Variants in DCDC1 observed in about 807,000 individuals in gnomAD.
The protein encoded by DCDC1 is doublecortin domain-containing protein 1.
Under a neutral mutation model 178.3 loss-of-function variants are expected in DCDC1, and 200 were observed. That is an observed-to-expected ratio of 1.12 (90% CI 1.00 to 1.26). The LOEUF is 1.26. Among genes scored for constraint, DCDC1 ranks in the 50% most tolerant of loss-of-function variants. The probability of loss-of-function intolerance (pLI) is 0.00; values close to 1 mark genes in which losing one functional copy is unlikely to be tolerated. For missense variants in DCDC1, 1,983 were observed against 1,749.2 expected (o/e 1.13, Z -2.38); for synonymous variants, 690 against 604.8 (o/e 1.14, Z -2.07).
At chr11:31,294,828 AAGAAAG>A (rs1238698346) in intron 6 of DCDC1, among the ~76,000 whole-genome samples, 1 of 147,178 alleles carries the variant, frequency 6.8e-6, no homozygotes, top group Non-Finnish European at 1.5e-5. Context: ...GAAAGAAAGA[AAGAAAG>A]AAAGAAAGAA....
chr11:31,047,072 G>A (rs565554435), intron 20 of DCDC1, among the ~76,000 whole-genome samples: 11 of 152,060 alleles, frequency 7.2e-5, no homozygotes, highest in Admixed American at 1.3e-4. Flanking sequence ...GTGAGGTGGC[G>A]TATCCTCATG....
intron 7 of DCDC1, 104 bp downstream of exon 7, chr11:31,290,543 T>A: frequency 6.5e-6 from 8 of 1,230,720 alleles, no homozygotes; most frequent in Non-Finnish European, 7.8e-6. Context: ...CTTGTTAATA[T>A]TTCTATTTGT....
Position 31,330,011 on chromosome 11 carries a change from C to A in DCDC1, c.-6-1725G>T, listed in dbSNP as rs375276798. Among the ~76,000 whole-genome samples the A allele has an allele frequency of 2.0e-5, 3 of 152,190 alleles. No individual in the cohort carries two copies. The East Asian group carries it at 5.8e-4, about 29-fold the overall frequency. ...CAATGGTTGAACTAGTTTACACTCC[C>A]ACCAGCAGTGTAAAAGCATTCCTAT... On this transcript the variant is annotated intron_variant, in intron 2 of 38. Transcript: ENST00000684477.
At chr11:30,921,068 A>C in intron 24 of DCDC1, 133 bp from the exon 25 acceptor site, 1 of 836,652 alleles carries the variant, frequency 1.2e-6, no homozygotes, top group Non-Finnish European at 1.7e-6. Flanking sequence ...TACTTATTAA[A>C]CTCAGTTGAA....
intron 7 of DCDC1, among the ~76,000 whole-genome samples, chr11:31,289,249 G>C (rs1425787483): frequency 6.6e-6 from 1 of 151,960 alleles, no homozygotes; most frequent in African/African-American, 2.4e-5. Flanking sequence ...GTGAACTCAA[G>C]AGGTTATCTA....
At chr11:30,991,548 A>T (rs1416987352) in intron 20 of DCDC1, among the ~76,000 whole-genome samples, 4 of 152,154 alleles carry the variant, frequency 2.6e-5, no homozygotes, top group African/African-American at 9.7e-5. Context: ...CTAGATGTTT[A>T]TTTAGGGCAT....
chr11:31,012,500 G>A (rs1007085566), intron 20 of DCDC1, among the ~76,000 whole-genome samples: 2 of 151,804 alleles, frequency 1.3e-5, no homozygotes, highest in African/African-American at 4.8e-5. Context: ...CAGCTACTCT[G>A]GAGGCTTAGG....
intron 20 of DCDC1, among the ~76,000 whole-genome samples, chr11:31,025,994 A>T (rs967525181): frequency 6.6e-6 from 1 of 151,850 alleles, no homozygotes; most frequent in African/African-American, 2.4e-5. Context: ...GAACAGCAAG[A>T]GTTATGTAAA....
chr11:31,037,397 TGAA>T (rs1348522350), intron 20 of DCDC1, among the ~76,000 whole-genome samples: 2 of 151,390 alleles, frequency 1.3e-5, no homozygotes, highest in Non-Finnish European at 2.9e-5. Context: ...CTCTACCTAA[TGAA>T]GAAAAATTGG....
At chr11:31,232,001 C>T (rs1249965585) in intron 9 of DCDC1, among the ~76,000 whole-genome samples, 4 of 152,196 alleles carry the variant, frequency 2.6e-5, no homozygotes, top group South Asian at 2.1e-4. Context: ...CACTATCCAA[C>T]CACGTTAGGA....
chr11:31,269,266 G>C (rs1290989660), intron 7 of DCDC1, among the ~76,000 whole-genome samples: 1 of 152,088 alleles, frequency 6.6e-6, no homozygotes. Context: ...CAATTGAAAA[G>C]TACATTATGG....
chr11:31,121,784 A>C (rs533834857), intron 11 of DCDC1, among the ~76,000 whole-genome samples: 1 of 152,060 alleles, frequency 6.6e-6, no homozygotes, highest in Admixed American at 6.6e-5. Context: ...CAGAGTGATG[A>C]AAATCATGAA....
intron 20 of DCDC1, among the ~76,000 whole-genome samples, chr11:30,978,776 C>G (rs1454062845): frequency 8.3e-6 from 1 of 120,548 alleles, no homozygotes; most frequent in African/African-American, 4.1e-5. Context: ...CCAGTCCCCC[C>G]TCAACACACA....
intron 9 of DCDC1, among the ~76,000 whole-genome samples, chr11:31,229,898 A>C (rs530367464): frequency 6.6e-6 from 1 of 152,196 alleles, no homozygotes; most frequent in African/African-American, 2.4e-5. Flanking sequence ...TCCACAGTTA[A>C]CATCATATTC....
chr11:31,325,151 C>A (rs1397231739), intron 3 of DCDC1, among the ~76,000 whole-genome samples: 2 of 152,126 alleles, frequency 1.3e-5, no homozygotes, highest in Admixed American at 1.3e-4. Context: ...TTACAACATT[C>A]TCCTCATGTA....
At chr11:31,210,478 C>T (rs1972369054) in intron 9 of DCDC1, among the ~76,000 whole-genome samples, 4 of 151,780 alleles carry the variant, frequency 2.6e-5, no homozygotes, top group Admixed American at 2.0e-4. Flanking sequence ...TTTGGGAGGC[C>T]GAGGCAGGTG....
At chr11:30,882,299 T>C (rs1168641260) in intron 36 of DCDC1, 1 of 152,146 alleles carries the variant, frequency 6.6e-6, no homozygotes, top group Non-Finnish European at 1.5e-5. Context: ...AAAGCGCAGC[T>C]TTTCACCCAG....
At chr11:31,325,902 T>G (rs1020788568) in intron 3 of DCDC1, among the ~76,000 whole-genome samples, 1 of 152,082 alleles carries the variant, frequency 6.6e-6, no homozygotes, top group African/African-American at 2.4e-5. Flanking sequence ...TTAACCTCAA[T>G]CAGGGGGGAA....
Position 30,931,822 on chromosome 11 carries a change from T to C in DCDC1, c.2846A>G (p.Asn949Ser). 6.2e-7 allele frequency: 1 copy of C among 1,612,970 alleles called. No homozygotes were observed. The highest frequency in any genetic ancestry group is 8.5e-7 in the Non-Finnish European group (1 of 1,179,304). Residue 949 changes from asparagine (N) to serine (S), a missense_variant, in exon 22 of 39, where the codon AAC (asparagine) becomes AGC (serine). Transcript: ENST00000684477. ...TGGACCAAGGATAGTAACGGATCTGTTTTTATTCTTCTCTCCATTCTGCAA... is the reference window on the plus strand; with the variant it reads ...TGGACCAAGGATAGTAACGGATCTGCTTTTATTCTTCTCTCCATTCTGCAA... ...RVLQNGEKNK[N>S]RSVTILGPDI...
Sources: gnomAD v4.1 joint callset for allele counts (sites outside exome capture counted in the v4.1 genomes callset) on GRCh38, gnomAD v4.1.1 for gene constraint, MANE v1.5 for transcripts, NCBI Gene and HGNC (gene_info 2026-07-23, HGNC 2026-07-21) for gene names.